The following SMYD3 variants were observed in gnomAD, a reference collection of about 807,000 sequenced individuals.
SMYD3 encodes SET and MYND domain containing 3, also known as histone-lysine N-methyltransferase SMYD3.
In SMYD3, 36 loss-of-function variants were observed where a neutral mutation model predicts 57.7. That is an observed-to-expected ratio of 0.62 (90% CI 0.48 to 0.82). SMYD3 has a LOEUF of 0.82. SMYD3 is among the 40% of genes least tolerant of loss of function. The probability of loss-of-function intolerance (pLI) is 0.00; values close to 1 mark genes in which losing one functional copy is unlikely to be tolerated. For missense variants in SMYD3, 515 were observed against 538.8 expected (o/e 0.96, Z 0.44); for synonymous variants, 211 against 195.0 (o/e 1.08, Z -0.68).
At chr1:246,122,126 A>T (rs1403969005) in intron 5 of SMYD3, among the ~76,000 whole-genome samples, 1 of 152,138 alleles carries the variant, frequency 6.6e-6, no homozygotes, top group Non-Finnish European at 1.5e-5. Context: ...TAAAGAATGC[A>T]GGGCCAGGAA....
chr1:246,316,936 A>C (rs993911083), intron 5 of SMYD3, among the ~76,000 whole-genome samples: 2 of 151,258 alleles, frequency 1.3e-5, no homozygotes, highest in Admixed American at 6.6e-5. Context: ...TGGAGGTTGC[A>C]GTGAGCTGTG....
chr1:245,786,214 G>GGGC (rs1553321349), intron 10 of SMYD3, among the ~76,000 whole-genome samples: 15 of 68,756 alleles, frequency 2.2e-4, no homozygotes, highest in East Asian at 6.2e-3. Flanking sequence ...GGGTGTGGAC[G>GGGC]GGGGGGGGAT....
chr1:246,132,350 T>A (rs1241691076), intron 5 of SMYD3, among the ~76,000 whole-genome samples: 1 of 152,064 alleles, frequency 6.6e-6, no homozygotes, highest in Non-Finnish European at 1.5e-5. Context: ...ATTAGAAAAC[T>A]ATATGGTCAA....
chr1:245,948,644 C>T (rs967414017), intron 5 of SMYD3, among the ~76,000 whole-genome samples: 3 of 1,390 alleles, frequency 2.2e-3, no homozygotes, highest in Non-Finnish European at 0.043. Context: ...CTGCCCTGGG[C>T]CCCAAATAGC....
intron 5 of SMYD3, among the ~76,000 whole-genome samples, chr1:246,250,857 T>G (rs1337998412): frequency 3.3e-5 from 5 of 152,182 alleles, no homozygotes; most frequent in African/African-American, 1.2e-4. Context: ...TATCTTAAGC[T>G]CTTTTAAAAA....
chr1:246,327,844 A>T (rs966793729), intron 4 of SMYD3, among the ~76,000 whole-genome samples: 5 of 152,214 alleles, frequency 3.3e-5, no homozygotes, highest in Non-Finnish European at 7.3e-5. Context: ...GTACATCATG[A>T]ATAGAACAGG....
chr1:246,133,271 G>A (rs575136138), intron 5 of SMYD3, among the ~76,000 whole-genome samples: 6 of 151,812 alleles, frequency 4.0e-5, no homozygotes, highest in Non-Finnish European at 5.9e-5. Flanking sequence ...ATGAACCCAC[G>A]GCATGACTGA....
chr1:245,903,455 C>T (rs944586377), intron 8 of SMYD3, among the ~76,000 whole-genome samples: 5 of 152,056 alleles, frequency 3.3e-5, no homozygotes, highest in African/African-American at 1.2e-4. Flanking sequence ...CCAATTGCCC[C>T]CACCCCCACA....
At chr1:245,936,671 G>C (rs1261633898) in intron 5 of SMYD3, among the ~76,000 whole-genome samples, 1 of 152,216 alleles carries the variant, frequency 6.6e-6, no homozygotes, top group Non-Finnish European at 1.5e-5. Context: ...AAGGCAAGTG[G>C]ATCGATTGAG....
intron 5 of SMYD3, among the ~76,000 whole-genome samples, chr1:246,238,893 G>GTTT (rs35415664): frequency 0.024 from 3,255 of 133,080 alleles, 61 homozygotes; most frequent in Non-Finnish European, 0.037. Context: ...TCTTTGTTTG[G>GTTT]TTTTTTTTTT....
intron 5 of SMYD3, among the ~76,000 whole-genome samples, chr1:246,118,254 C>T (rs1433081049): frequency 1.3e-5 from 2 of 152,116 alleles, no homozygotes; most frequent in Non-Finnish European, 2.9e-5. Flanking sequence ...CAGAAAACAT[C>T]ATAAATGATA....
chr1:246,296,470 G>A (rs1366774274), intron 5 of SMYD3, among the ~76,000 whole-genome samples: 1 of 152,010 alleles, frequency 6.6e-6, no homozygotes, highest in South Asian at 2.1e-4. Flanking sequence ...GAAGAAACTG[G>A]CTCTTGCCTT....
intron 9 of SMYD3, among the ~76,000 whole-genome samples, chr1:245,860,753 C>T (rs2051497394): frequency 6.6e-6 from 1 of 152,234 alleles, no homozygotes; most frequent in African/African-American, 2.4e-5. Flanking sequence ...GTATCTTAGG[C>T]AACGCACTGA....
At chr1:246,245,654 A>G (rs1006523650) in intron 5 of SMYD3, among the ~76,000 whole-genome samples, 1 of 152,188 alleles carries the variant, frequency 6.6e-6, no homozygotes, top group African/African-American at 2.4e-5. Flanking sequence ...AAAATTTCAG[A>G]TTTAACGTGG....
intron 1 of SMYD3, among the ~76,000 whole-genome samples, chr1:246,472,685 C>T (rs901207143): frequency 4.6e-5 from 7 of 151,838 alleles, no homozygotes; most frequent in African/African-American, 1.7e-4. Flanking sequence ...TCAAGGCTAC[C>T]CCGAGCCATG....
intron 5 of SMYD3, among the ~76,000 whole-genome samples, chr1:246,242,832 CA>C (rs986527611): frequency 2.6e-5 from 4 of 151,682 alleles, no homozygotes; most frequent in African/African-American, 9.7e-5. Context: ...TTTAAAGCAA[CA>C]AAGATCAAAA....
chr1:245,885,305 G>T (rs1424976184), intron 8 of SMYD3, among the ~76,000 whole-genome samples: 1 of 152,200 alleles, frequency 6.6e-6, no homozygotes, highest in African/African-American at 2.4e-5. Flanking sequence ...GTGAGACCAA[G>T]AACCCACCGG....
chr1:245,771,323 T>C (rs1398352755), intron 10 of SMYD3, among the ~76,000 whole-genome samples: 1 of 152,174 alleles, frequency 6.6e-6, no homozygotes, highest in African/African-American at 2.4e-5. Context: ...TTACTGAAGC[T>C]GGATGATAGA....
At chr1:245,967,203 T>C (rs746342956) in intron 5 of SMYD3, among the ~76,000 whole-genome samples, 1 of 152,204 alleles carries the variant, frequency 6.6e-6, no homozygotes, top group Non-Finnish European at 1.5e-5. Context: ...GGTATTGTAA[T>C]ACCATATTAT....
Sources: allele counts gnomAD v4.1 joint callset (sites outside exome capture counted in the v4.1 genomes callset), GRCh38; gene constraint gnomAD v4.1.1; transcripts MANE v1.5; gene names NCBI Gene and HGNC (gene_info 2026-07-23, HGNC 2026-07-21).